The following NXPH1 variants were observed in gnomAD, a reference collection of about 807,000 sequenced individuals.
The protein encoded by NXPH1 is neurexophilin 1.
Under a neutral mutation model 23.7 loss-of-function variants are expected in NXPH1, and 5 were observed. The ratio of observed to expected loss-of-function variants is 0.21; its 90% confidence interval spans 0.11 to 0.44. The LOEUF is 0.44. Ranked by LOEUF, NXPH1 falls within the 20% of genes least tolerant of loss-of-function variation. The pLI is 0.99. For synonymous variants in NXPH1, 144 were observed against 122.2 expected (o/e 1.18, Z -1.18); for missense variants, 324 against 321.6 (o/e 1.01, Z -0.06).
intron 2 of NXPH1, among the ~76,000 whole-genome samples, chr7:8,608,228 C>T (rs984386472): frequency 6.6e-6 from 1 of 152,078 alleles, no homozygotes; most frequent in Non-Finnish European, 1.5e-5. Flanking sequence ...AGATTAACTA[C>T]TTAGCTAGTT....
intron 2 of NXPH1, among the ~76,000 whole-genome samples, chr7:8,708,486 G>C (rs561337523): frequency 6.6e-6 from 1 of 151,972 alleles, no homozygotes; most frequent in South Asian, 2.1e-4. Context: ...TTAGCCTCCC[G>C]TGTAGCTGGG....
chr7:8,735,269 G>T (rs537784226), intron 2 of NXPH1, among the ~76,000 whole-genome samples: 1 of 152,216 alleles, frequency 6.6e-6, no homozygotes, highest in African/African-American at 2.4e-5. Context: ...TATGACATTG[G>T]CTGTGGGTTT....
At chr7:8,558,043 T>A (rs1483288902) in intron 2 of NXPH1, among the ~76,000 whole-genome samples, 1 of 151,678 alleles carries the variant, frequency 6.6e-6, no homozygotes, top group Non-Finnish European at 1.5e-5. Context: ...TAAAAAGGCT[T>A]GTTATTAAAA....
intron 2 of NXPH1, among the ~76,000 whole-genome samples, chr7:8,523,587 G>A (rs1254080970): frequency 6.6e-6 from 1 of 152,182 alleles, no homozygotes. Flanking sequence ...TACATTTGGG[G>A]AAACTTGGGT....
At chr7:8,650,684 G>A (rs1436038989) in intron 2 of NXPH1, among the ~76,000 whole-genome samples, 1 of 152,132 alleles carries the variant, frequency 6.6e-6, no homozygotes, top group Non-Finnish European at 1.5e-5. Context: ...GTTGCCACAT[G>A]GCAACTGTCT....
intron 2 of NXPH1, among the ~76,000 whole-genome samples, chr7:8,518,853 T>G (rs1442733851): frequency 6.6e-6 from 1 of 152,196 alleles, no homozygotes; most frequent in African/African-American, 2.4e-5. Context: ...TTTCCACTGT[T>G]GAAGTAATAT....
At chr7:8,678,664 A>T (rs1318235120) in intron 2 of NXPH1, among the ~76,000 whole-genome samples, 3 of 152,052 alleles carry the variant, frequency 2.0e-5, no homozygotes, top group African/African-American at 4.8e-5. Flanking sequence ...ACGGGTCCGC[A>T]GAGCCTCCTG....
intron 2 of NXPH1, among the ~76,000 whole-genome samples, chr7:8,660,152 A>G (rs1820649696): frequency 6.6e-6 from 1 of 152,248 alleles, no homozygotes; most frequent in Non-Finnish European, 1.5e-5. Flanking sequence ...CAGCACTGTG[A>G]AAATATTTTA....
intron 2 of NXPH1, among the ~76,000 whole-genome samples, chr7:8,676,536 A>T (rs1212783233): frequency 6.6e-6 from 1 of 152,218 alleles, no homozygotes; most frequent in Non-Finnish European, 1.5e-5. Flanking sequence ...GCAAAGTGTA[A>T]GCTCACAGAA....
In NXPH1 at chr7:8,633,472, A is replaced by G. The variant is rs545900799; in HGVS notation, c.55-117536A>G. 2.0e-5 allele frequency among the ~76,000 whole-genome samples: 3 copies of G among 152,350 alleles called. No individual in the cohort carries two copies. The South Asian group carries it at 6.2e-4, about 32-fold the overall frequency. On this transcript the variant is annotated intron_variant, in intron 2 of 2. Coordinates refer to ENST00000405863, the MANE Select transcript of NXPH1 (RefSeq NM_152745.3). ...TCACAATAGAGTTTCCTTCTTTAGA[A>G]TTATGCGGATGTGAAAGCGCACACA...
chr7:8,611,322 G>T (rs573131087), intron 2 of NXPH1, among the ~76,000 whole-genome samples: 2 of 152,234 alleles, frequency 1.3e-5, no homozygotes, highest in South Asian at 4.1e-4. Flanking sequence ...AATTACCTCT[G>T]TCTTCCTTTG....
At chr7:8,487,025 TG>T (rs1259545347) in intron 2 of NXPH1, among the ~76,000 whole-genome samples, 1 of 152,168 alleles carries the variant, frequency 6.6e-6, no homozygotes, top group Non-Finnish European at 1.5e-5. Flanking sequence ...CAAGAACCTA[TG>T]TTTTTTTCAT....
chr7:8,641,809 A>G (rs964444324), intron 2 of NXPH1, among the ~76,000 whole-genome samples: 1 of 152,006 alleles, frequency 6.6e-6, no homozygotes, highest in Non-Finnish European at 1.5e-5. Flanking sequence ...TTCTTATACA[A>G]CCTTTTTGTC....
intron 2 of NXPH1, among the ~76,000 whole-genome samples, chr7:8,731,679 G>T (rs180699307): frequency 2.0e-5 from 3 of 152,218 alleles, no homozygotes; most frequent in Admixed American, 2.0e-4. Context: ...GGAACCAGTT[G>T]AAGAGGAAGT....
At chr7:8,581,795 T>A (rs1818878991) in intron 2 of NXPH1, among the ~76,000 whole-genome samples, 1 of 151,754 alleles carries the variant, frequency 6.6e-6, no homozygotes, top group Admixed American at 6.6e-5. Flanking sequence ...GGAGGGAGAG[T>A]ACAGGAGGTC....
intron 2 of NXPH1, among the ~76,000 whole-genome samples, chr7:8,664,693 C>G (rs79862804): frequency 0.026 from 3,907 of 152,014 alleles, 109 homozygotes; most frequent in African/African-American, 0.064. Flanking sequence ...CCACACTTCT[C>G]ATTTTTTGTC....
chr7:8,517,377 G>C (rs901666854), intron 2 of NXPH1, among the ~76,000 whole-genome samples: 2 of 152,122 alleles, frequency 1.3e-5, no homozygotes, highest in African/African-American at 4.8e-5. Flanking sequence ...GTGGAGGACT[G>C]GGATGAAAGA....
At chr7:8,461,566 C>T (rs987503448) in intron 2 of NXPH1, among the ~76,000 whole-genome samples, 1 of 151,140 alleles carries the variant, frequency 6.6e-6, no homozygotes, top group Non-Finnish European at 1.5e-5. Context: ...CGCGGTGGCT[C>T]ACGCCTGTAA....
At chr7:8,596,530 T>G (rs558499788) in intron 2 of NXPH1, among the ~76,000 whole-genome samples, 30 of 152,268 alleles carry the variant, frequency 2.0e-4, no homozygotes, top group African/African-American at 6.5e-4. Context: ...CTGTCATGTC[T>G]AAGAGTCTAC....
Sources: allele counts gnomAD v4.1 joint callset (sites outside exome capture counted in the v4.1 genomes callset), GRCh38; gene constraint gnomAD v4.1.1; transcripts MANE v1.5; gene names NCBI Gene and HGNC (gene_info 2026-07-23, HGNC 2026-07-21).